Variants in SLC16A7 observed in about 807,000 individuals in gnomAD.
SLC16A7 encodes the protein monocarboxylate transporter 2.
In SLC16A7, 33 loss-of-function variants were observed where a neutral mutation model predicts 34.9. The ratio of observed to expected loss-of-function variants is 0.94; its 90% confidence interval spans 0.72 to 1.26. SLC16A7 has a LOEUF of 1.26. Ranked by LOEUF, SLC16A7 falls within the 50% of genes most tolerant of loss-of-function variation. The pLI is 0.00. For synonymous variants in SLC16A7, 201 were observed against 206.6 expected, an observed-to-expected ratio of 0.97 and a Z score of 0.23; for missense variants, 573 against 578.1, an observed-to-expected ratio of 0.99 and a Z score of 0.09.
At chr12:59,735,906 A>G in intron 3 of SLC16A7, 1 of 1,231,356 alleles carries the variant, frequency 8.1e-7, no homozygotes, top group South Asian at 1.4e-5. Context: ...CCTAACAGAT[A>G]TAAATTCTCT....
intron 2 of SLC16A7, among the ~76,000 whole-genome samples, chr12:59,685,478 T>A (rs1378787472): frequency 5.3e-5 from 8 of 152,096 alleles, no homozygotes; most frequent in African/African-American, 1.9e-4. Context: ...TATAGAAGCT[T>A]GAAAAAGGAA....
intron 3 of SLC16A7, among the ~76,000 whole-genome samples, chr12:59,737,191 A>G (rs571073904): frequency 6.6e-6 from 1 of 152,294 alleles, no homozygotes; most frequent in African/African-American, 2.4e-5. Context: ...CAACTCACCT[A>G]ATCCTCTCCA....
chr12:59,761,350 A>G (rs924278609), intron 3 of SLC16A7: 1 of 309,106 alleles, frequency 3.2e-6, no homozygotes, highest in Admixed American at 4.7e-5. Context: ...TGTACTACTT[A>G]AGTTACATAA....
chr12:59,753,838 T>A (rs1225569292), intron 3 of SLC16A7, among the ~76,000 whole-genome samples: 1 of 152,130 alleles, frequency 6.6e-6, no homozygotes, highest in Non-Finnish European at 1.5e-5. Context: ...TATTCCAAAA[T>A]TGACCACATA....
chr12:59,613,120 C>T (rs1879277263), intron 1 of SLC16A7, among the ~76,000 whole-genome samples: 1 of 152,236 alleles, frequency 6.6e-6, no homozygotes, highest in Non-Finnish European at 1.5e-5. Context: ...GTTTAATTGA[C>T]TAACAGTTCC....
chr12:59,697,127 T>C (rs1162640715), intron 2 of SLC16A7, among the ~76,000 whole-genome samples: 4 of 151,984 alleles, frequency 2.6e-5, no homozygotes, highest in Non-Finnish European at 5.9e-5. Context: ...ATTTAAGTAG[T>C]TGACAATTCA....
At chr12:59,632,139 G>T (rs143365048) in intron 1 of SLC16A7, among the ~76,000 whole-genome samples, 6 of 151,910 alleles carry the variant, frequency 3.9e-5, no homozygotes, top group African/African-American at 1.4e-4. Flanking sequence ...TGCTAGCAGA[G>T]GGAAGATGGA....
rs1170896261 is a variant in SLC16A7 at position 59,781,981 on chromosome 12, GTTTA to G, written c.*2307_*2310del. 1 of 152,098 alleles carries G rather than the reference GTTTA, an allele frequency of 6.6e-6. No homozygotes were observed. The highest frequency in any genetic ancestry group is 1.5e-5 in the Non-Finnish European group (1 of 68,022). The allele number at this position is 152,098 out of a possible 1,614,324, so 9.4% of individuals were successfully genotyped here. A position where few individuals can be genotyped will look rare whatever the true frequency, so the allele number is the denominator to read the frequency against. ...TTCAGTGGCCTTCTCCAGGGAGGAG[GTTTA>G]TTTACTTACTGATGAGTTTCTCGTC... On this transcript the variant is annotated 3_prime_UTR_variant, in exon 6 of 6. Coordinates refer to ENST00000547379, the MANE Select transcript of SLC16A7 (RefSeq NM_001270623.2).
intron 1 of SLC16A7, among the ~76,000 whole-genome samples, chr12:59,598,296 A>G (rs1029634189): frequency 4.6e-5 from 7 of 152,166 alleles, no homozygotes; most frequent in African/African-American, 1.7e-4. Context: ...CCCACTCTGA[A>G]GTGATATTGG....
intron 3 of SLC16A7, among the ~76,000 whole-genome samples, chr12:59,723,575 T>G (rs1875867903): frequency 6.6e-6 from 1 of 151,968 alleles, no homozygotes. Flanking sequence ...AAGACTTTCT[T>G]GAAGATAAAA....
rs567130655 is a variant in SLC16A7, at chr12:59,730,975, A to T, written c.217+25957A>T. Reference sequence around the variant, plus strand: ...GGGGAGGTTGTCACTCTATAAAATAAATTATCATGAAAATCTAAAGCATAC... The same window carrying T: ...GGGGAGGTTGTCACTCTATAAAATATATTATCATGAAAATCTAAAGCATAC... On this transcript the variant is annotated intron_variant, in intron 3 of 5. Coordinates refer to ENST00000547379, the MANE Select transcript of SLC16A7 (RefSeq NM_001270623.2). Among the ~76,000 whole-genome samples the T allele has an allele frequency of 7.9e-5, 12 of 152,280 alleles. No homozygotes were observed. The East Asian group carries it at 2.3e-3, about 29-fold the overall frequency.
intron 1 of SLC16A7, among the ~76,000 whole-genome samples, chr12:59,598,332 C>T (rs1878522238): frequency 6.6e-6 from 1 of 152,182 alleles, no homozygotes; most frequent in Non-Finnish European, 1.5e-5. Flanking sequence ...TGGTAAGTAC[C>T]TAGAATACAG....
At chr12:59,681,505 C>T (rs1870747222) in intron 2 of SLC16A7, among the ~76,000 whole-genome samples, 1 of 151,722 alleles carries the variant, frequency 6.6e-6, no homozygotes, top group East Asian at 1.9e-4. Context: ...TTTTATAGAA[C>T]TGCTTCAAAA....
intron 3 of SLC16A7, chr12:59,733,768 C>G (rs971231367): frequency 6.6e-6 from 3 of 456,010 alleles, no homozygotes; most frequent in Non-Finnish European, 1.3e-5. Context: ...CATGGACAAC[C>G]GGAGAGCGAG....
At chr12:59,755,822 A>C (rs1190091068) in intron 3 of SLC16A7, among the ~76,000 whole-genome samples, 1 of 152,138 alleles carries the variant, frequency 6.6e-6, no homozygotes, top group Non-Finnish European at 1.5e-5. Flanking sequence ...CAAAAGAACA[A>C]AGCTGGAGGC....
intron 3 of SLC16A7, among the ~76,000 whole-genome samples, chr12:59,710,069 C>T (rs1048295643): frequency 1.3e-5 from 2 of 151,604 alleles, no homozygotes; most frequent in African/African-American, 4.9e-5. Flanking sequence ...GATGAGAACA[C>T]ACTATGAGAT....
At chr12:59,778,818 G>C (rs1429952390) in intron 5 of SLC16A7, among the ~76,000 whole-genome samples, 1 of 152,102 alleles carries the variant, frequency 6.6e-6, no homozygotes, top group African/African-American at 2.4e-5. Context: ...ACAGACCTCA[G>C]TTAAGAGTCT....
At chr12:59,738,034 A>C (rs1304103583) in intron 3 of SLC16A7, among the ~76,000 whole-genome samples, 1 of 152,132 alleles carries the variant, frequency 6.6e-6, no homozygotes, top group Non-Finnish European at 1.5e-5. Context: ...ATTTATATTA[A>C]ATTATATCCT....
intron 3 of SLC16A7, among the ~76,000 whole-genome samples, chr12:59,764,403 A>G (rs1565707389): frequency 6.6e-6 from 1 of 152,122 alleles, no homozygotes; most frequent in Non-Finnish European, 1.5e-5. Flanking sequence ...ACATATGTAT[A>G]CATGTGCCAT....
Sources: allele counts gnomAD v4.1 joint callset (sites outside exome capture counted in the v4.1 genomes callset), GRCh38; gene constraint gnomAD v4.1.1; transcripts MANE v1.5; gene names NCBI Gene and HGNC (gene_info 2026-07-23, HGNC 2026-07-21).